Variants in SMARCA1 observed in about 807,000 individuals in gnomAD.
SMARCA1 encodes the protein SNF2 related chromatin remodeling ATPase 1.
Under a neutral mutation model 93.6 loss-of-function variants are expected in SMARCA1, and 17 were observed. That is an observed-to-expected ratio of 0.18 (90% confidence interval 0.12 to 0.27). The LOEUF (loss-of-function observed/expected upper bound fraction) is 0.27. Ranked by LOEUF, SMARCA1 falls within the 10% of genes least tolerant of loss-of-function variation. The pLI is 1.00. For missense variants in SMARCA1, 630 were observed against 819.0 expected (o/e 0.77, Z 2.82); for synonymous variants, 271 against 271.4 (o/e 1.00, Z 0.01).
At chrX:129,481,361 T>G (rs1218953706) in intron 17 of SMARCA1, among the ~76,000 whole-genome samples, 176 bp from the exon 18 acceptor site, 1 of 112,425 alleles carries the variant, frequency 8.9e-6, no homozygotes, top group Non-Finnish European at 1.9e-5. Flanking sequence ...GTACACCAAG[T>G]TTAGATGCAA....
chrX:129,486,850 T>C (rs1602690811), intron 17 of SMARCA1, among the ~76,000 whole-genome samples, 168 bp downstream of exon 17: 1 of 105,672 alleles, frequency 9.5e-6, no homozygotes, highest in East Asian at 3.0e-4. Context: ...ACGACGACGA[T>C]AAACCAATAA....
At chrX:129,475,108 T>TAA (rs202047039) in intron 19 of SMARCA1, among the ~76,000 whole-genome samples, 2 of 107,192 alleles carry the variant, frequency 1.9e-5, no homozygotes, top group Non-Finnish European at 1.9e-5. Context: ...ACACCTCCTA[T>TAA]AAAAAAAAAC....
chrX:129,493,482 T>C (rs1934204782), intron 12 of SMARCA1, among the ~76,000 whole-genome samples: 1 of 111,124 alleles, frequency 9.0e-6, no homozygotes, highest in Non-Finnish European at 1.9e-5. Context: ...GATGGCATGG[T>C]CAAAGTTTCA....
intron 12 of SMARCA1, among the ~76,000 whole-genome samples, chrX:129,493,666 T>C (rs1934210580): frequency 8.9e-6 from 1 of 111,958 alleles, no homozygotes; most frequent in African/African-American, 3.2e-5. Context: ...GTATTTAATC[T>C]CTCTGAGACA....
intron 9 of SMARCA1, among the ~76,000 whole-genome samples, 182 bp downstream of exon 9, chrX:129,504,549 TAAA>T (rs780225300): frequency 1.4e-3 from 33 of 24,194 alleles, no homozygotes; most frequent in African/African-American, 4.7e-3. Flanking sequence ...CATAGAGGAA[TAAA>T]AAAAAAAAAA....
intron 11 of SMARCA1, among the ~76,000 whole-genome samples, chrX:129,497,355 C>T (rs1235362227): frequency 9.0e-6 from 1 of 111,471 alleles, no homozygotes; most frequent in Non-Finnish European, 1.9e-5. Context: ...AATAAAAGTC[C>T]TAACTCCTTA....
At chrX:129,495,749 C>T (rs1934296331) in intron 12 of SMARCA1, among the ~76,000 whole-genome samples, 1 of 107,676 alleles carries the variant, frequency 9.3e-6, no homozygotes, top group Non-Finnish European at 1.9e-5. Flanking sequence ...TTTTGATTGA[C>T]GTCGCAGTTT....
At chrX:129,463,376 C>T (rs780410529) in intron 23 of SMARCA1, among the ~76,000 whole-genome samples, 62 of 111,784 alleles carry the variant, frequency 5.5e-4, no homozygotes, top group South Asian at 1.9e-3. Context: ...AAGTAACTTA[C>T]TGCCAATGTC....
At chrX:129,498,156 C>T (rs1299082701) in intron 10 of SMARCA1, 85 bp from the exon 11 acceptor site, 1 of 565,913 alleles carries the variant, frequency 1.8e-6, no homozygotes, top group Admixed American at 2.8e-5. Flanking sequence ...AGATTAGATT[C>T]CTGTTTAAAG....
Position 129,511,906 on chromosome X carries a change from C to T in SMARCA1, c.708G>A (p.Met236Ile). 1 of 1,205,648 alleles carries T rather than the reference C, an allele frequency of 8.3e-7. No homozygotes were observed. The highest frequency in any genetic ancestry group is 1.1e-6 in the Non-Finnish European group (1 of 890,856). ...GTAAAGTAGACTTTGGAACTAAAACCATGTGAGGTCCAGGAATATTTCGGT... is the reference window on the plus strand; with the variant it reads ...GTAAAGTAGACTTTGGAACTAAAACTATGTGAGGTCCAGGAATATTTCGGT... ...KHYRNIPGPHMVLVPKSTLHN... is the reference protein window; with the variant it reads ...KHYRNIPGPHIVLVPKSTLHN... Residue 236 changes from methionine (M) to isoleucine (I), a missense_variant, in exon 6 of 25, where the codon ATG becomes ATA. Transcript: ENST00000371121.
intron 1 of SMARCA1, 151 bp downstream of exon 1, chrX:129,523,046 A>C: frequency 3.9e-6 from 2 of 518,424 alleles, no homozygotes; most frequent in Admixed American, 3.7e-5. Context: ...AGCGAACGCC[A>C]GGCGGTTCCG....
chrX:129,452,969 T>G (rs1932383547), intron 23 of SMARCA1, among the ~76,000 whole-genome samples: 2 of 111,711 alleles, frequency 1.8e-5, no homozygotes, highest in Admixed American at 9.5e-5. Context: ...TACGGTGACC[T>G]GTGGTCAGTG....
At chrX:129,475,177 G>A (rs1327069572) in intron 19 of SMARCA1, among the ~76,000 whole-genome samples, 4 of 106,231 alleles carry the variant, frequency 3.8e-5, no homozygotes, top group African/African-American at 1.4e-4. Context: ...CATGAGGTTC[G>A]TATCAGCATT....
intron 15 of SMARCA1, 33 bp from the exon 16 acceptor site, chrX:129,489,118 A>C: frequency 1.0e-6 from 1 of 961,464 alleles, no homozygotes; most frequent in Non-Finnish European, 1.5e-6. Context: ...TACATATTCA[A>C]TCAATCATAT....
chrX:129,521,700 C>T (rs749122985), intron 1 of SMARCA1, among the ~76,000 whole-genome samples: 1 of 112,461 alleles, frequency 8.9e-6, no homozygotes, highest in East Asian at 2.8e-4. Flanking sequence ...AAAAGGCACA[C>T]AGACATTTCC....
intron 9 of SMARCA1, among the ~76,000 whole-genome samples, chrX:129,501,966 T>G (rs936156617): frequency 9.0e-6 from 1 of 111,727 alleles, no homozygotes; most frequent in Non-Finnish European, 1.9e-5. Flanking sequence ...CTGTGGAAAT[T>G]TGTGGTGGTA....
intron 2 of SMARCA1, 24 bp from the exon 3 acceptor site, chrX:129,516,521 G>A: frequency 8.6e-7 from 1 of 1,164,428 alleles, no homozygotes; most frequent in Non-Finnish European, 1.2e-6. Flanking sequence ...CAAAAGAAAA[G>A]TAAGGACTTT....
chrX:129,492,784 C>T (rs1448976268), intron 13 of SMARCA1, among the ~76,000 whole-genome samples: 1 of 111,129 alleles, frequency 9.0e-6, no homozygotes, highest in Non-Finnish European at 1.9e-5. Context: ...AAAAAAAGAA[C>T]AGACAACTCA....
chrX:129,449,113 GGGT>G (rs1932154501), intron 23 of SMARCA1, among the ~76,000 whole-genome samples: 1 of 111,433 alleles, frequency 9.0e-6, no homozygotes, highest in Non-Finnish European at 1.9e-5. Flanking sequence ...ACTGGGTGAA[GGGT>G]GCATGAGACC....
Sources: gnomAD v4.1 joint callset for allele counts (sites outside exome capture counted in the v4.1 genomes callset) on GRCh38, gnomAD v4.1.1 for gene constraint, MANE v1.5 for transcripts, NCBI Gene and HGNC (gene_info 2026-07-23, HGNC 2026-07-21) for gene names.